The following LRRTM4 variants were observed in gnomAD, a reference collection of about 807,000 sequenced individuals.
LRRTM4 encodes leucine-rich repeat transmembrane neuronal protein 4.
A neutral mutation model predicts 47.6 loss-of-function variants in LRRTM4; 25 were observed. That is an observed-to-expected ratio of 0.53 (90% CI 0.38 to 0.73). The LOEUF (loss-of-function observed/expected upper bound fraction) is 0.73, where lower values mean the gene tolerates loss of function less well. Among genes scored for constraint, LRRTM4 ranks in the 30% least tolerant of loss-of-function variants. The pLI is 0.00. For synonymous variants in LRRTM4, 311 were observed against 269.5 expected (o/e 1.15, Z -1.51); for missense variants, 638 against 713.4 (o/e 0.89, Z 1.20).
chr2:76,979,224 C>T (rs1676515285), intron 3 of LRRTM4, among the ~76,000 whole-genome samples: 1 of 151,912 alleles, frequency 6.6e-6, no homozygotes, highest in Non-Finnish European at 1.5e-5. Context: ...AATTTCAGGT[C>T]ATTGGAATTC....
intron 3 of LRRTM4, among the ~76,000 whole-genome samples, chr2:76,964,162 C>A (rs1420791028): frequency 1.3e-5 from 2 of 150,924 alleles, no homozygotes; most frequent in African/African-American, 4.8e-5. Context: ...ATGTTTGTAG[C>A]TGTGACCCTA....
chr2:77,068,018 T>A (rs1359506595), intron 3 of LRRTM4, among the ~76,000 whole-genome samples: 1 of 152,124 alleles, frequency 6.6e-6, no homozygotes, highest in South Asian at 2.1e-4. Context: ...TAAAGGAATA[T>A]ATTAAAAGTT....
intron 3 of LRRTM4, among the ~76,000 whole-genome samples, chr2:77,487,428 G>A (rs1051229781): frequency 2.6e-5 from 4 of 152,212 alleles, no homozygotes; most frequent in African/African-American, 9.7e-5. Context: ...TACGCTTGGT[G>A]TGGTGCTGAC....
intron 3 of LRRTM4, among the ~76,000 whole-genome samples, chr2:77,027,360 T>G (rs1389272127): frequency 1.3e-5 from 2 of 152,158 alleles, no homozygotes; most frequent in Non-Finnish European, 2.9e-5. Context: ...CTTTTTAAAA[T>G]AGCCTATGTA....
intron 3 of LRRTM4, among the ~76,000 whole-genome samples, chr2:76,814,333 T>G (rs985650465): frequency 6.6e-6 from 1 of 152,080 alleles, no homozygotes; most frequent in Non-Finnish European, 1.5e-5. Context: ...CTTAAAGAAG[T>G]TTACAAAGTA....
intron 3 of LRRTM4, among the ~76,000 whole-genome samples, chr2:77,159,451 A>G (rs1023137785): frequency 3.9e-5 from 6 of 151,976 alleles, no homozygotes; most frequent in African/African-American, 1.5e-4. Flanking sequence ...CAGCACACCA[A>G]CATGGCACAC....
At chr2:76,825,570 T>TA (rs1671169107) in intron 3 of LRRTM4, among the ~76,000 whole-genome samples, 1 of 151,620 alleles carries the variant, frequency 6.6e-6, no homozygotes, top group African/African-American at 2.4e-5. Context: ...TGGAAGCAAG[T>TA]AAAAAAGTCC....
intron 3 of LRRTM4, among the ~76,000 whole-genome samples, chr2:77,085,383 T>TC (rs1419997622): frequency 6.6e-6 from 1 of 151,698 alleles, no homozygotes. Flanking sequence ...CCTCACTTTT[T>TC]TTTTTTTTTG....
chr2:76,760,625 C>T (rs773740339), intron 3 of LRRTM4, among the ~76,000 whole-genome samples: 7 of 152,140 alleles, frequency 4.6e-5, no homozygotes, highest in East Asian at 3.9e-4. Flanking sequence ...TGTCAAATCT[C>T]GGTGTATCCA....
At chr2:77,254,880 G>A (rs1366849996) in intron 3 of LRRTM4, among the ~76,000 whole-genome samples, 2 of 147,016 alleles carry the variant, frequency 1.4e-5, no homozygotes, top group African/African-American at 2.6e-5. Flanking sequence ...CAGAGAAATA[G>A]GAAAGAGAGA....
Position 77,247,649 on chromosome 2 carries a change from G to T in LRRTM4, c.1551+270669C>A, listed in dbSNP as rs1466878156. 2.0e-5 allele frequency among the ~76,000 whole-genome samples: 3 copies of T among 151,986 alleles called. No homozygotes were observed. The East Asian group carries it at 5.8e-4, about 29-fold the overall frequency. Reference sequence around the variant, plus strand: ...TTAGTTGCTCACCACAGCTCCCTGTGCTCATTACTCTGCCAACATCTGTGA... The same window carrying T: ...TTAGTTGCTCACCACAGCTCCCTGTTCTCATTACTCTGCCAACATCTGTGA... On this transcript the variant is annotated intron_variant, in intron 3 of 3. Transcript: ENST00000409884.
chr2:76,834,421 G>A (rs1239030927), intron 3 of LRRTM4, among the ~76,000 whole-genome samples: 1 of 151,896 alleles, frequency 6.6e-6, no homozygotes, highest in Non-Finnish European at 1.5e-5. Flanking sequence ...GAGATTTCAA[G>A]ATATACGTTA....
chr2:76,894,452 A>G (rs114536466), intron 3 of LRRTM4, among the ~76,000 whole-genome samples: 1 of 152,078 alleles, frequency 6.6e-6, no homozygotes, highest in Non-Finnish European at 1.5e-5. Context: ...GGATATGTCT[A>G]AACTATTTCA....
intron 3 of LRRTM4, among the ~76,000 whole-genome samples, chr2:77,077,590 C>G (rs1003425478): frequency 6.6e-6 from 1 of 152,070 alleles, no homozygotes; most frequent in African/African-American, 2.4e-5. Flanking sequence ...TCATATTCTC[C>G]AAGTATAGCT....
At chr2:76,922,365 G>GGA (rs1411792182) in intron 3 of LRRTM4, among the ~76,000 whole-genome samples, 1 of 151,986 alleles carries the variant, frequency 6.6e-6, no homozygotes, top group African/African-American at 2.4e-5. Context: ...TGGCAGAGCA[G>GGA]GAGAGAGAGA....
At chr2:76,909,594 A>G (rs1423628768) in intron 3 of LRRTM4, among the ~76,000 whole-genome samples, 5 of 152,086 alleles carry the variant, frequency 3.3e-5, no homozygotes, top group Admixed American at 3.3e-4. Context: ...CAACCTACTC[A>G]TTTGACAAAG....
At chr2:77,234,745 A>G (rs943275041) in intron 3 of LRRTM4, among the ~76,000 whole-genome samples, 1 of 152,082 alleles carries the variant, frequency 6.6e-6, no homozygotes, top group Non-Finnish European at 1.5e-5. Flanking sequence ...TCAATATTTT[A>G]TTAGTTTTCT....
At chr2:77,117,537 A>C (rs35470951) in intron 3 of LRRTM4, among the ~76,000 whole-genome samples, 1 of 151,700 alleles carries the variant, frequency 6.6e-6, no homozygotes, top group Non-Finnish European at 1.5e-5. Flanking sequence ...CCCAAAACCT[A>C]TCTGCTCCAT....
intron 3 of LRRTM4, among the ~76,000 whole-genome samples, chr2:77,049,666 G>C (rs940647769): frequency 1.3e-5 from 2 of 150,982 alleles, no homozygotes; most frequent in African/African-American, 2.5e-5. Flanking sequence ...ACTTGCTTGA[G>C]TTTCTTATTT....
Sources: gnomAD v4.1 joint callset for allele counts (sites outside exome capture counted in the v4.1 genomes callset) on GRCh38, gnomAD v4.1.1 for gene constraint, MANE v1.5 for transcripts, NCBI Gene and HGNC (gene_info 2026-07-23, HGNC 2026-07-21) for gene names.